Variants in MAN2A1 observed in about 807,000 individuals in gnomAD.
The protein encoded by MAN2A1 is mannosidase alpha class 2A member 1, also known as alpha-mannosidase 2.
MAN2A1 carries 76 observed loss-of-function variants against 142.6 expected under a neutral mutation model. That is an observed-to-expected ratio of 0.53 (90% CI 0.44 to 0.65). The LOEUF (loss-of-function observed/expected upper bound fraction) is 0.65, where lower values mean the gene tolerates loss of function less well. Ranked by LOEUF, MAN2A1 falls within the 30% of genes least tolerant of loss-of-function variation. MAN2A1 has a pLI of 0.00. For synonymous variants in MAN2A1, 559 were observed against 473.2 expected (o/e 1.18, Z -2.35); for missense variants, 1,311 against 1,365.1 (o/e 0.96, Z 0.62).
At chr5:109,705,445 A>AG (rs1248968883) in intron 1 of MAN2A1, among the ~76,000 whole-genome samples, 1 of 152,142 alleles carries the variant, frequency 6.6e-6, no homozygotes, top group South Asian at 2.1e-4. Flanking sequence ...TGCCCCTGGA[A>AG]GACAGTTTAT....
chr5:109,758,120 A>G (rs1752739035), intron 5 of MAN2A1, among the ~76,000 whole-genome samples: 1 of 152,148 alleles, frequency 6.6e-6, no homozygotes, highest in Middle Eastern at 3.2e-3. Flanking sequence ...AAAGAGCGGT[A>G]TCGTTCTACC....
intron 3 of MAN2A1, among the ~76,000 whole-genome samples, chr5:109,727,951 T>C (rs968040881): frequency 2.0e-5 from 3 of 152,186 alleles, no homozygotes; most frequent in Non-Finnish European, 4.4e-5. Flanking sequence ...AGACACAGTT[T>C]TTTTTAGTTA....
chr5:109,860,161 T>C (rs914459966), intron 20 of MAN2A1, among the ~76,000 whole-genome samples: 7 of 152,154 alleles, frequency 4.6e-5, no homozygotes, highest in Admixed American at 2.6e-4. Flanking sequence ...TGGTGCTTTA[T>C]TGATCTCCCT....
chr5:109,854,608 T>A (rs1285756485), intron 19 of MAN2A1: 1 of 152,232 alleles, frequency 6.6e-6, no homozygotes, highest in Non-Finnish European at 1.5e-5. Context: ...AGTTTTGTTT[T>A]CTTTAAATTC....
At chr5:109,786,665 G>A (rs1011029890) in intron 10 of MAN2A1, among the ~76,000 whole-genome samples, 2 of 152,038 alleles carry the variant, frequency 1.3e-5, no homozygotes, top group Non-Finnish European at 2.9e-5. Context: ...GACATTTTAA[G>A]GAGGAAATTT....
At chr5:109,840,606 T>A (rs935916767) in intron 16 of MAN2A1, 5 of 486,854 alleles carry the variant, frequency 1.0e-5, no homozygotes, top group Non-Finnish European at 2.0e-5. Context: ...TTCTGCCTTT[T>A]CTGAGATGAA....
At chr5:109,697,143 T>C (rs1750838380) in intron 1 of MAN2A1, among the ~76,000 whole-genome samples, 1 of 152,234 alleles carries the variant, frequency 6.6e-6, no homozygotes, top group Non-Finnish European at 1.5e-5. Context: ...GAAGATAAGA[T>C]ATATTGATTA....
At chr5:109,830,224 A>G (rs1375156421) in intron 16 of MAN2A1, among the ~76,000 whole-genome samples, 1 of 152,196 alleles carries the variant, frequency 6.6e-6, no homozygotes, top group Non-Finnish European at 1.5e-5. Context: ...CCCTCTTATA[A>G]GGGAATCACA....
At chr5:109,779,570 C>CACACAT (rs1561508015) in intron 8 of MAN2A1, among the ~76,000 whole-genome samples, 1 of 101,526 alleles carries the variant, frequency 9.8e-6, no homozygotes, top group Non-Finnish European at 2.0e-5. Context: ...CGCGTGCACA[C>CACACAT]ACACACACAC....
intron 5 of MAN2A1, among the ~76,000 whole-genome samples, chr5:109,760,310 G>A (rs566402457): frequency 6.6e-6 from 1 of 152,262 alleles, no homozygotes; most frequent in Admixed American, 6.5e-5. Flanking sequence ...GCAAAGACAT[G>A]AACTCATCCT....
intron 16 of MAN2A1, among the ~76,000 whole-genome samples, chr5:109,828,890 A>G (rs1754830833): frequency 2.0e-5 from 3 of 152,188 alleles, no homozygotes; most frequent in Admixed American, 2.0e-4. Context: ...TAGCAATCGA[A>G]CAGAGTTGCT....
chr5:109,821,224 A>G (rs4527652), intron 15 of MAN2A1, among the ~76,000 whole-genome samples: 8,351 of 152,186 alleles, frequency 0.055, 235 homozygotes, highest in Non-Finnish European at 0.066. Flanking sequence ...GACTTATTGC[A>G]TGTACATATT....
In MAN2A1 at chr5:109,868,620, T is replaced by G. The variant is rs1400567475; in HGVS notation, c.*1622T>G. The G allele has an allele frequency of 6.6e-6, 1 of 152,212 alleles. No individual in the cohort carries two copies. The highest frequency in any genetic ancestry group is 1.5e-5 in the Non-Finnish European group (1 of 68,032). 9.4% of individuals were successfully genotyped at this position (152,212 alleles called of 1,614,324 possible). The stretch of plus-strand genomic sequence containing the variant: ...GATGCAGCTCCTAAGATTATTGTTA[T>G]GTTAAATTCATAAACTCCTTCACCT... On this transcript the variant is annotated 3_prime_UTR_variant, in exon 22 of 22. Transcript: ENST00000261483.
intron 16 of MAN2A1, among the ~76,000 whole-genome samples, chr5:109,836,277 T>C (rs1755052630): frequency 6.7e-6 from 1 of 149,864 alleles, no homozygotes; most frequent in Admixed American, 6.6e-5. Context: ...ACCTGGCTAA[T>C]TTTTGTGGGG....
chr5:109,837,163 C>G (rs1421641700), intron 16 of MAN2A1, among the ~76,000 whole-genome samples: 8 of 150,094 alleles, frequency 5.3e-5, no homozygotes, highest in Non-Finnish European at 1.0e-4. Flanking sequence ...TTATGTACAT[C>G]TCAGCTAGGT....
chr5:109,785,067 A>T (rs974341173), intron 10 of MAN2A1, 141 bp downstream of exon 10: 4 of 558,014 alleles, frequency 7.2e-6, no homozygotes, highest in Admixed American at 3.8e-5. Flanking sequence ...GTATCAAAAC[A>T]GCACTGATAT....
At chr5:109,760,913 CT>C (rs1752825630) in intron 5 of MAN2A1, among the ~76,000 whole-genome samples, 1 of 151,670 alleles carries the variant, frequency 6.6e-6, no homozygotes, top group East Asian at 1.9e-4. Flanking sequence ...GGGTTGTTGC[CT>C]TTTTTAAAAT....
At chr5:109,730,624 T>A (rs1206703646) in intron 4 of MAN2A1, among the ~76,000 whole-genome samples, 3 of 152,322 alleles carry the variant, frequency 2.0e-5, no homozygotes, top group East Asian at 3.9e-4. Flanking sequence ...TTAAGAATTA[T>A]CTTATAATGA....
chr5:109,725,497 A>G (rs1440775741), intron 3 of MAN2A1, among the ~76,000 whole-genome samples: 1 of 152,202 alleles, frequency 6.6e-6, no homozygotes, highest in Non-Finnish European at 1.5e-5. Flanking sequence ...AGAGACTTAT[A>G]AGAATCCCAG....
Sources: gnomAD v4.1 joint callset for allele counts (sites outside exome capture counted in the v4.1 genomes callset) on GRCh38, gnomAD v4.1.1 for gene constraint, MANE v1.5 for transcripts, NCBI Gene and HGNC (gene_info 2026-07-23, HGNC 2026-07-21) for gene names.